Variants in CNTLN observed in about 807,000 individuals in gnomAD.
The protein encoded by CNTLN is centlein, centrosomal protein.
In CNTLN, 212 loss-of-function variants were observed where a neutral mutation model predicts 180.0. The observed-to-expected ratio is 1.18, with a 90% CI of 1.05 to 1.32. CNTLN has a LOEUF of 1.32. CNTLN is among the 40% of genes most tolerant of loss of function. The pLI, the probability that CNTLN is intolerant of heterozygous loss-of-function variation, is 0.00. For synonymous variants in CNTLN, 722 were observed against 563.1 expected, an observed-to-expected ratio of 1.28 and a Z score of -3.99; for missense variants, 2,095 against 1,610.9, an observed-to-expected ratio of 1.30 and a Z score of -5.14.
intron 18 of CNTLN, among the ~76,000 whole-genome samples, chr9:17,436,456 G>C (rs1308308215): frequency 6.6e-6 from 1 of 152,136 alleles, no homozygotes; most frequent in African/African-American, 2.4e-5. Context: ...AAAGACTTTT[G>C]CTAAGTGTCA....
intron 2 of CNTLN, among the ~76,000 whole-genome samples, chr9:17,146,512 T>C (rs1818467780): frequency 6.6e-6 from 1 of 152,180 alleles, no homozygotes; most frequent in African/African-American, 2.4e-5. Flanking sequence ...CCCTCATAAA[T>C]GGGATTAGTG....
In CNTLN at chr9:17,143,292, A is replaced by T. The variant is rs1160160161; in HGVS notation, c.365A>T (p.Asp122Val). The T allele has an allele frequency of 8.1e-6, 13 of 1,610,246 alleles. No homozygotes were observed. Among genetic ancestry groups the T allele is most frequent in the South Asian group, 6.6e-5 (6 of 90,598 alleles). ...LKEELALCQA[D>V]KEFVWSLWKR... ...ATTCTCTTTTATTTCTTTAAGGCTG[A>T]TAAAGAATTTGTATGGTCTTTGTGG... Residue 122 changes from aspartate to valine, a missense_variant, in exon 2 of 26, where the codon GAT becomes GTT. Coordinates refer to ENST00000380647, the MANE Select transcript of CNTLN (RefSeq NM_017738.4).
At chr9:17,438,644 G>A (rs553580017) in intron 18 of CNTLN, among the ~76,000 whole-genome samples, 27 of 152,248 alleles carry the variant, frequency 1.8e-4, no homozygotes, top group African/African-American at 4.3e-4. Context: ...ACAGCTTATC[G>A]TTTGTAGCCA....
At chr9:17,517,130 G>A in the CNTLN span, among the ~76,000 whole-genome samples, 94,314 of 151,906 alleles carry the variant, frequency 0.62, 35,039 homozygotes, top group East Asian at 0.96. Flanking sequence ...GGTGGCTCAC[G>A]CCTGTAATCC....
At chr9:17,307,972 C>CCACACACACACA (rs3837233) in intron 7 of CNTLN, among the ~76,000 whole-genome samples, 17 of 137,908 alleles carry the variant, frequency 1.2e-4, no homozygotes, top group Non-Finnish European at 1.9e-4. Flanking sequence ...GCCTTTAAAA[C>CCACACACACACA]CACACACACA....
At chr9:17,262,889 A>T (rs1827110743) in intron 5 of CNTLN, among the ~76,000 whole-genome samples, 1 of 151,082 alleles carries the variant, frequency 6.6e-6, no homozygotes, top group Non-Finnish European at 1.5e-5. Context: ...TTCCGTCAAT[A>T]CCTAGTTTGT....
intron 5 of CNTLN, among the ~76,000 whole-genome samples, chr9:17,272,686 T>C (rs925401284): frequency 6.6e-6 from 1 of 152,158 alleles, no homozygotes; most frequent in African/African-American, 2.4e-5. Context: ...CTCCAGACCA[T>C]AGTCATAATC....
At chr9:17,414,599 A>G (rs1486815522) in intron 16 of CNTLN, among the ~76,000 whole-genome samples, 1 of 152,192 alleles carries the variant, frequency 6.6e-6, no homozygotes, top group Non-Finnish European at 1.5e-5. Flanking sequence ...GAAATGAAAC[A>G]TTGTTAGGGT....
chr9:17,294,775 G>T (rs1163768911), intron 6 of CNTLN, among the ~76,000 whole-genome samples: 1 of 50,250 alleles, frequency 2.0e-5, no homozygotes. Flanking sequence ...ACCGCGGGGG[G>T]AGTGAGGGGA....
In CNTLN at chr9:17,266,838, T is replaced by G. The variant is rs535446587; in HGVS notation, c.850-6895T>G. Among the ~76,000 whole-genome samples the G allele has an allele frequency of 4.3e-4, 66 of 152,306 alleles. 2 individuals are homozygous for G. The East Asian group carries it at 0.012, about 28-fold the overall frequency. On this transcript the variant is annotated intron_variant, in intron 5 of 25. Transcript: ENST00000380647. The stretch of plus-strand genomic sequence containing the variant: ...GATCTTTGTTGGTTTGAAGTCTGTT[T>G]TATCAGAGACTAGGATTGCAACCCC...
chr9:17,268,352 A>G (rs1827658249), intron 5 of CNTLN, among the ~76,000 whole-genome samples: 1 of 152,028 alleles, frequency 6.6e-6, no homozygotes, highest in Admixed American at 6.5e-5. Context: ...AGAATAGCGG[A>G]TATTGGTGAC....
At position 17,394,578 on chromosome 9, in the gene CNTLN, G is replaced by T; in HGVS notation, c.2124G>T (p.Ser708=). Residue 708 remains serine (S), a synonymous_variant, in exon 15 of 26, where the codon TCG becomes TCT. Coordinates refer to ENST00000380647, the MANE Select transcript of CNTLN (RefSeq NM_017738.4). ...GGCTGAAATCTTTTGAGAAAAGGTC[G>T]AGAAAATTAAAAGAAGGGAATAAAA... ...ENRLKSFEKR[S]RKLKEGNKKL... is the part of the protein sequence containing the mutation. 6.3e-7 allele frequency: 1 copy of T among 1,591,740 alleles called. No individual in the cohort carries two copies. Among genetic ancestry groups the T allele is most frequent in the South Asian group, 1.2e-5 (1 of 85,548 alleles).
chr9:17,150,057 G>C (rs1818749782), intron 2 of CNTLN, among the ~76,000 whole-genome samples: 1 of 152,116 alleles, frequency 6.6e-6, no homozygotes, highest in Non-Finnish European at 1.5e-5. Context: ...TTAGCCCTCT[G>C]TCAGATGGAT....
chr9:17,377,618 A>G (rs1326533435), intron 13 of CNTLN, among the ~76,000 whole-genome samples: 2 of 152,230 alleles, frequency 1.3e-5, no homozygotes, highest in African/African-American at 4.8e-5. Context: ...GAAAGTAGCC[A>G]TATTTGTAAG....
At chr9:17,274,507 ATCTT>A (rs1828182086) in intron 6 of CNTLN, among the ~76,000 whole-genome samples, 1 of 102,702 alleles carries the variant, frequency 9.7e-6, no homozygotes, top group Non-Finnish European at 2.1e-5. Flanking sequence ...CTATCTATGT[ATCTT>A]TCTATCTATC....
intron 15 of CNTLN, among the ~76,000 whole-genome samples, chr9:17,395,390 C>T (rs1316946335): frequency 6.6e-6 from 1 of 152,042 alleles, no homozygotes; most frequent in Non-Finnish European, 1.5e-5. Flanking sequence ...ATCTGCTGGC[C>T]CTTTGCATAT....
At chr9:17,146,051 C>T (rs1269790857) in intron 2 of CNTLN, among the ~76,000 whole-genome samples, 1 of 152,106 alleles carries the variant, frequency 6.6e-6, no homozygotes, top group Non-Finnish European at 1.5e-5. Context: ...AGATAACTTG[C>T]TTGAAGCTTG....
At position 17,298,126 on chromosome 9, in the gene CNTLN, A is replaced by C. The variant is rs954625066; in HGVS notation, c.984-64A>C. 2.4e-5 allele frequency: 31 copies of C among 1,316,446 alleles called. No homozygotes were observed. The African/African-American group carries it at 4.2e-4, about 18-fold the overall frequency. The allele number at this position is 1,316,446 out of a possible 1,614,324, so 81.5% of individuals were successfully genotyped here. On this transcript the variant is annotated intron_variant, in intron 6 of 25. Transcript: ENST00000380647. ...TGCCAATCTGTAACCTTAGATGAAC[A>C]CAATTATTTAACTGAGATGATCTTT...
At chr9:17,389,731 A>G (rs1825950302) in intron 14 of CNTLN, among the ~76,000 whole-genome samples, 1 of 48,506 alleles carries the variant, frequency 2.1e-5, no homozygotes, top group Non-Finnish European at 6.3e-5. Context: ...TATAGTAGAA[A>G]TGAAACATAT....
Sources: allele counts gnomAD v4.1 joint callset (sites outside exome capture counted in the v4.1 genomes callset), GRCh38; gene constraint gnomAD v4.1.1; transcripts MANE v1.5; gene names NCBI Gene and HGNC (gene_info 2026-07-23, HGNC 2026-07-21).